CAST: variants seen among roughly 807,000 people sequenced by gnomAD.
CAST encodes MIR583 host.
A neutral mutation model predicts 119.6 loss-of-function variants in CAST; 76 were observed. The ratio of observed to expected loss-of-function variants is 0.64; its 90% CI spans 0.53 to 0.77. The LOEUF (loss-of-function observed/expected upper bound fraction) is 0.77, where lower values mean the gene tolerates loss of function less well. Among genes scored for constraint, CAST ranks in the 30% least tolerant of loss-of-function variants. The probability of loss-of-function intolerance (pLI) is 0.00; values close to 1 mark genes in which losing one functional copy is unlikely to be tolerated. For synonymous variants in CAST, 319 were observed against 331.6 expected, an observed-to-expected ratio of 0.96 and a Z score of 0.41; for missense variants, 953 against 946.5, an observed-to-expected ratio of 1.01 and a Z score of -0.09.
intron 3 of CAST, chr5:96,702,792 GC>G (rs1296851360): frequency 1.0e-6 from 1 of 985,476 alleles, no homozygotes. Flanking sequence ...GGACCGCCCC[GC>G]CCCGTCGCAC....
chr5:96,340,938 A>T, the CAST span, among the ~76,000 whole-genome samples: 4 of 152,238 alleles, frequency 2.6e-5, no homozygotes, highest in Non-Finnish European at 5.9e-5. Flanking sequence ...TGTAATTCAT[A>T]GTCAAAATCT....
chr5:96,310,020 G>A, the CAST span, among the ~76,000 whole-genome samples: 1 of 152,200 alleles, frequency 6.6e-6, no homozygotes, highest in African/African-American at 2.4e-5. Flanking sequence ...CTAGAGGAAA[G>A]GGTTCCAGTT....
chr5:96,219,842 G>T, the CAST span, among the ~76,000 whole-genome samples: 41 of 152,234 alleles, frequency 2.7e-4, no homozygotes, highest in African/African-American at 9.1e-4. Flanking sequence ...AAGGTAGGTG[G>T]TTGGCATGTT....
At chr5:96,726,634 A>C (rs542598132) in intron 4 of CAST, 160 bp from the exon 5 acceptor site, 1 of 513,780 alleles carries the variant, frequency 1.9e-6, no homozygotes, top group African/African-American at 1.9e-5. Context: ...GGACCTTAGA[A>C]TGTAAGTGCC....
intron 10 of CAST, among the ~76,000 whole-genome samples, chr5:96,737,000 G>T (rs531217652): frequency 2.0e-5 from 3 of 152,302 alleles, no homozygotes; most frequent in African/African-American, 7.2e-5. Context: ...GCAGGAGAGA[G>T]AGCATGTGAA....
At chr5:96,266,095 A>G in the CAST span, among the ~76,000 whole-genome samples, 2 of 152,324 alleles carry the variant, frequency 1.3e-5, no homozygotes, top group East Asian at 3.9e-4. Context: ...TAAAACAAAT[A>G]TACATTACTG....
At chr5:96,739,884 T>C (rs1762343898) in intron 11 of CAST, among the ~76,000 whole-genome samples, 154 bp from the exon 12 acceptor site, 1 of 152,240 alleles carries the variant, frequency 6.6e-6, no homozygotes, top group South Asian at 2.1e-4. Context: ...CTTAGAAATG[T>C]AGTTGTATAA....
chr5:96,394,966 G>T, the CAST span: 3 of 1,613,810 alleles, frequency 1.9e-6, no homozygotes, highest in African/African-American at 4.0e-5. Flanking sequence ...GCTGAGAAGA[G>T]GTCCCGTGCA....
At chr5:96,364,309 T>G in the CAST span, among the ~76,000 whole-genome samples, 1 of 152,228 alleles carries the variant, frequency 6.6e-6, no homozygotes, top group African/African-American at 2.4e-5. Flanking sequence ...TTGTTGTGTC[T>G]CTGCCAGGCT....
chr5:96,125,482 G>A, the CAST span, among the ~76,000 whole-genome samples: 1 of 152,120 alleles, frequency 6.6e-6, no homozygotes. Context: ...TTCATCTAAT[G>A]TGCAGCAATG....
chr5:96,436,359 T>A, the CAST span, among the ~76,000 whole-genome samples: 1 of 152,196 alleles, frequency 6.6e-6, no homozygotes, highest in Non-Finnish European at 1.5e-5. Context: ...GATACAATTA[T>A]GATAACAAAA....
chr5:96,639,380 C>T (rs1472559148), intron 1 of CAST, among the ~76,000 whole-genome samples: 4 of 152,240 alleles, frequency 2.6e-5, no homozygotes, highest in African/African-American at 9.6e-5. Context: ...TTAGGGCCTC[C>T]TTCCTCCCAT....
chr5:96,601,701 C>T (rs1747155473), intron 1 of CAST, among the ~76,000 whole-genome samples: 1 of 152,084 alleles, frequency 6.6e-6, no homozygotes, highest in Non-Finnish European at 1.5e-5. Context: ...TTGTACATTT[C>T]CTTTGTGCAT....
chr5:96,139,111 T>C, the CAST span, among the ~76,000 whole-genome samples: 1 of 152,152 alleles, frequency 6.6e-6, no homozygotes, highest in East Asian at 1.9e-4. Context: ...ATTCCTGGTT[T>C]GCTGTATGTC....
At chr5:96,257,986 A>G in the CAST span, among the ~76,000 whole-genome samples, 1 of 152,220 alleles carries the variant, frequency 6.6e-6, no homozygotes. Flanking sequence ...GAGTAGGCAG[A>G]TTCCAGCCAC....
In CAST at chr5:96,534,753, G is replaced by GAGAA. The variant is rs1323001981; in HGVS notation, c.60+4874_60+4875insGAAA. The stretch of plus-strand genomic sequence containing the variant: ...AGAGAGAGAGAGAGAAAGAAAGAAA[G>GAGAA]AAAGAAAGAAAGAAAGAAAGAAAGA... On this transcript the variant is annotated intron_variant, in intron 1 of 11. Coordinates refer to the CAST transcript ENST00000505143. Among the ~76,000 whole-genome samples the GAGAA allele has an allele frequency of 1.8e-4, 8 of 44,602 alleles. 1 individual carries two copies. The highest frequency in any genetic ancestry group is 6.5e-4 in the African/African-American group (8 of 12,306). The allele number at this position is 44,602 out of a possible 152,430, so 29.3% of individuals were successfully genotyped here.
chr5:96,091,973 T>C, the CAST span, among the ~76,000 whole-genome samples: 1 of 152,122 alleles, frequency 6.6e-6, no homozygotes, highest in East Asian at 1.9e-4. Context: ...GCAGGGAAGG[T>C]CTTTCCCTTT....
chr5:96,308,280 C>T, the CAST span, among the ~76,000 whole-genome samples: 3 of 151,724 alleles, frequency 2.0e-5, no homozygotes, highest in Admixed American at 1.3e-4. Context: ...ATGAAGTTCT[C>T]GTGCTGTGTT....
At chr5:96,714,745 A>G (rs983684692) in intron 3 of CAST, 5 of 152,222 alleles carry the variant, frequency 3.3e-5, no homozygotes, top group African/African-American at 4.8e-5. Flanking sequence ...CTGCTTTTCT[A>G]TTCTTTGATG....
Sources: gnomAD v4.1 joint callset for allele counts (sites outside exome capture counted in the v4.1 genomes callset) on GRCh38, gnomAD v4.1.1 for gene constraint, MANE v1.5 for transcripts, NCBI Gene and HGNC (gene_info 2026-07-23, HGNC 2026-07-21) for gene names.